Variants in STXBP5L observed in about 807,000 individuals in gnomAD.
STXBP5L encodes the protein syntaxin binding protein 5L.
In STXBP5L, 65 loss-of-function variants were observed where a neutral mutation model predicts 144.5. The ratio of observed to expected loss-of-function variants is 0.45; its 90% CI spans 0.37 to 0.55. STXBP5L has a LOEUF of 0.55. Among genes scored for constraint, STXBP5L ranks in the 20% least tolerant of loss-of-function variants. STXBP5L has a pLI of 0.00. For synonymous variants in STXBP5L, 505 were observed against 469.6 expected (o/e 1.08, Z -0.97); for missense variants, 1,298 against 1,405.5 (o/e 0.92, Z 1.22).
At chr3:121,375,809 A>C (rs1576315283) in intron 20 of STXBP5L, among the ~76,000 whole-genome samples, 1 of 152,188 alleles carries the variant, frequency 6.6e-6, no homozygotes, top group Non-Finnish European at 1.5e-5. Flanking sequence ...CTAGTTCTTC[A>C]TGTTCAACAT....
At chr3:121,082,012 T>C (rs1268290561) in intron 5 of STXBP5L, among the ~76,000 whole-genome samples, 1 of 152,210 alleles carries the variant, frequency 6.6e-6, no homozygotes, top group Non-Finnish European at 1.5e-5. Context: ...CTTTTAAAAT[T>C]ATTGTAACCA....
intron 19 of STXBP5L, among the ~76,000 whole-genome samples, chr3:121,313,314 C>A: frequency 7.1e-6 from 1 of 141,124 alleles, no homozygotes; most frequent in Non-Finnish European, 1.6e-5. Flanking sequence ...CCCCTCACCT[C>A]CTGGACGGGG....
chr3:121,055,618 C>T (rs1948400419), intron 5 of STXBP5L, among the ~76,000 whole-genome samples: 2 of 152,070 alleles, frequency 1.3e-5, no homozygotes, highest in South Asian at 4.2e-4. Flanking sequence ...TCAAGCAATC[C>T]TCCCGCCTCA....
intron 2 of STXBP5L, among the ~76,000 whole-genome samples, chr3:120,915,450 C>A (rs903820957): frequency 6.6e-6 from 1 of 152,064 alleles, no homozygotes; most frequent in Non-Finnish European, 1.5e-5. Context: ...TTAAAAGTAT[C>A]AAGTAGAAGC....
chr3:121,422,102 G>GCACACACA lies in STXBP5L; in HGVS notation c.*3013_*3020dup, dbSNP rs140955523. The GCACACACA allele has an allele frequency of 1.3e-5, 2 of 150,528 alleles. No homozygotes were observed. The highest frequency in any genetic ancestry group is 3.0e-5 in the Non-Finnish European group (2 of 67,470). 9.3% of individuals were successfully genotyped at this position (150,528 alleles called of 1,614,324 possible). On this transcript the variant is annotated 3_prime_UTR_variant, in exon 27 of 27. Transcript: ENST00000471454. ...CTGTTGCACTGACCTTAGCACGCAC[G>GCACACACA]CACACACACACACACCATCGCCACC...
At chr3:121,109,674 CT>C (rs2107808397) in intron 5 of STXBP5L, among the ~76,000 whole-genome samples, 1 of 152,252 alleles carries the variant, frequency 6.6e-6, no homozygotes, top group African/African-American at 2.4e-5. Context: ...CCATGTGGTG[CT>C]GAAAATAATG....
chr3:120,951,771 A>G (rs28838400), intron 2 of STXBP5L, among the ~76,000 whole-genome samples: 14,995 of 151,914 alleles, frequency 0.099, 1,153 homozygotes, highest in Admixed American at 0.2. Context: ...TCTAGAACTA[A>G]AAATACCATT....
At chr3:121,174,529 G>A (rs2046856354) in intron 9 of STXBP5L, among the ~76,000 whole-genome samples, 1 of 152,160 alleles carries the variant, frequency 6.6e-6, no homozygotes, top group Non-Finnish European at 1.5e-5. Context: ...AATCTGGGGA[G>A]AGAAAGGTGC....
intron 2 of STXBP5L, among the ~76,000 whole-genome samples, chr3:120,942,526 T>G (rs1710620625): frequency 6.6e-6 from 1 of 151,552 alleles, no homozygotes; most frequent in South Asian, 2.1e-4. Flanking sequence ...TTGAGGCTTT[T>G]AACAAATTTA....
intron 10 of STXBP5L, among the ~76,000 whole-genome samples, chr3:121,215,998 A>G (rs566020088): frequency 1.3e-5 from 2 of 152,218 alleles, no homozygotes; most frequent in African/African-American, 4.8e-5. Flanking sequence ...CAATTTGGCT[A>G]TTGATACTTG....
chr3:121,178,818 G>A (rs1292457198), intron 9 of STXBP5L, among the ~76,000 whole-genome samples: 2 of 152,180 alleles, frequency 1.3e-5, no homozygotes, highest in African/African-American at 4.8e-5. Flanking sequence ...ATATCTTACA[G>A]GCACCCTGAG....
In STXBP5L at chr3:121,332,068, C is replaced by T. The variant is rs376116799; in HGVS notation, c.2176+13528C>T. 3.7e-5 allele frequency among the ~76,000 whole-genome samples: 5 copies of T among 133,354 alleles called. 1 individual carries two copies. In the South Asian group the frequency reaches 1.1e-3, roughly 30 times the overall value. 87.5% of individuals were successfully genotyped at this position (133,354 alleles called of 152,430 possible). On this transcript the variant is annotated intron_variant, in intron 20 of 26. Transcript: ENST00000471454. ...TCATTAAAGTCACAACTTTAAGAGA[C>T]AAAAAAAAAAAGAAATTTTTAAAAA... is the stretch of plus-strand genomic sequence containing the variant.
intron 3 of STXBP5L, among the ~76,000 whole-genome samples, chr3:121,012,041 G>A (rs1429752420): frequency 1.3e-5 from 2 of 151,586 alleles, no homozygotes; most frequent in Admixed American, 6.6e-5. Context: ...TCCTTATTGT[G>A]GAAATTTTAT....
intron 3 of STXBP5L, among the ~76,000 whole-genome samples, chr3:121,007,295 T>G (rs1944405739): frequency 6.6e-6 from 1 of 152,176 alleles, no homozygotes; most frequent in South Asian, 2.1e-4. Context: ...ACTGAGGATT[T>G]TGTTGACTGT....
chr3:120,967,799 G>T (rs942375163), intron 3 of STXBP5L, among the ~76,000 whole-genome samples: 3 of 151,972 alleles, frequency 2.0e-5, no homozygotes, highest in African/African-American at 7.2e-5. Flanking sequence ...AGTATGTTGT[G>T]TTTCCATTTT....
intron 3 of STXBP5L, among the ~76,000 whole-genome samples, chr3:121,006,434 G>A (rs546773760): frequency 2.0e-5 from 3 of 152,046 alleles, no homozygotes; most frequent in African/African-American, 4.8e-5. Context: ...TTTATTTTGA[G>A]CCTATGTGTG....
chr3:121,092,361 C>T (rs1214306277), intron 5 of STXBP5L, among the ~76,000 whole-genome samples: 7 of 152,156 alleles, frequency 4.6e-5, no homozygotes, highest in East Asian at 1.9e-4. Context: ...TTACCTTGGG[C>T]AGTATGGCCA....
intron 3 of STXBP5L, among the ~76,000 whole-genome samples, chr3:120,991,010 C>A (rs1271745340): frequency 6.6e-6 from 1 of 152,080 alleles, no homozygotes; most frequent in Non-Finnish European, 1.5e-5. Flanking sequence ...AGCTTCTGCA[C>A]AGCAAAAGAA....
intron 3 of STXBP5L, among the ~76,000 whole-genome samples, chr3:120,974,567 T>C (rs1940706271): frequency 6.6e-6 from 1 of 152,208 alleles, no homozygotes; most frequent in South Asian, 2.1e-4. Flanking sequence ...TTTGTCAACT[T>C]TGGCTTTTGC....
Sources: allele counts gnomAD v4.1 joint callset (sites outside exome capture counted in the v4.1 genomes callset), GRCh38; gene constraint gnomAD v4.1.1; transcripts MANE v1.5; gene names NCBI Gene and HGNC (gene_info 2026-07-23, HGNC 2026-07-21).